The following CYP3A4 variants were observed in gnomAD, a reference collection of about 807,000 sequenced individuals.
CYP3A4 encodes cytochrome P450 family 3 subfamily A member 4.
Under a neutral mutation model 54.9 loss-of-function variants are expected in CYP3A4, and 41 were observed. That is an observed-to-expected ratio of 0.75 (90% CI 0.58 to 0.97). The LOEUF (loss-of-function observed/expected upper bound fraction) is 0.97, where lower values mean the gene tolerates loss of function less well. CYP3A4 is among the 50% of genes least tolerant of loss of function. CYP3A4 has a pLI of 0.00. For synonymous variants in CYP3A4, 179 were observed against 205.2 expected (o/e 0.87, Z 1.09); for missense variants, 510 against 597.3 (o/e 0.85, Z 1.52).
intron 9 of CYP3A4, among the ~76,000 whole-genome samples, chr7:99,765,090 G>C (rs1563040574): frequency 6.6e-6 from 1 of 152,180 alleles, no homozygotes; most frequent in Admixed American, 6.5e-5. Flanking sequence ...GCAGTTATAA[G>C]TAAATTCAAC....
chr7:99,763,952 G>C lies in CYP3A4; in HGVS notation c.929C>G (p.Thr310Arg). 2 of 1,613,974 alleles carry C rather than the reference G, an allele frequency of 1.2e-6. No homozygotes were observed. Among genetic ancestry groups the C allele is most frequent in the Non-Finnish European group, 1.7e-6 (2 of 1,179,954 alleles). ...IIFIFAGYET[T>R]SSVLSFIMYE... The stretch of plus-strand genomic sequence containing the variant: ...CATAATGAAGGAGAGAACACTGCTC[G>C]TGGTTTCATAGCCAGCAAAAATAAA... Residue 310 changes from threonine to arginine, a missense_variant, in exon 10 of 13, where the codon ACG (threonine) becomes AGG (arginine). This residue lies in a region of CYP3A4 where 238 missense variants were observed against 322.5 expected (regional missense o/e 0.74). Transcript: ENST00000651514.
At chr7:99,772,991 G>A (rs1299929331) in intron 3 of CYP3A4, among the ~76,000 whole-genome samples, 1 of 151,988 alleles carries the variant, frequency 6.6e-6, no homozygotes, top group African/African-American at 2.4e-5. Context: ...AAGCTGGGTG[G>A]TGCATACGTG....
chr7:99,783,815 G>C (rs1815989202), intron 1 of CYP3A4, among the ~76,000 whole-genome samples, 196 bp downstream of exon 1: 1 of 152,070 alleles, frequency 6.6e-6, no homozygotes, highest in Non-Finnish European at 1.5e-5. Flanking sequence ...CACCATGTTA[G>C]CCAGGCTGGT....
intron 1 of CYP3A4, among the ~76,000 whole-genome samples, chr7:99,783,556 C>T (rs1815980097): frequency 6.6e-6 from 1 of 151,694 alleles, no homozygotes; most frequent in African/African-American, 2.4e-5. Context: ...TCTACAATAA[C>T]CTCTATATGT....
chr7:99,777,992 AC>A (rs777964975), intron 3 of CYP3A4, 35 bp downstream of exon 3: 4 of 1,566,122 alleles, frequency 2.6e-6, no homozygotes, highest in Non-Finnish European at 3.5e-6. Flanking sequence ...CATCATAGAA[AC>A]AAGTCTATCC....
At position 99,756,994 on chromosome 7, in the gene CYP3A4, T is replaced by C. The variant is rs1243630393; in HGVS notation, c.*1139A>G. On this transcript the variant is annotated 3_prime_UTR_variant, in exon 13 of 13. Coordinates refer to ENST00000651514, the MANE Select transcript of CYP3A4 (RefSeq NM_017460.6). The stretch of plus-strand genomic sequence containing the variant: ...GCTCAATCAATTGACCAATCGACTG[T>C]TTTTTATTAAGTGTTCATTGCATCG... The C allele has an allele frequency of 1.3e-5, 2 of 152,142 alleles. No homozygotes were observed. The highest frequency in any genetic ancestry group is 2.9e-5 in the Non-Finnish European group (2 of 68,012). The allele number at this position is 152,142 out of a possible 1,614,324, so 9.4% of individuals were successfully genotyped here. A position where few individuals can be genotyped will look rare whatever the true frequency, so the allele number is the denominator to read the frequency against.
intron 3 of CYP3A4, among the ~76,000 whole-genome samples, chr7:99,775,440 TA>T: frequency 6.6e-6 from 1 of 152,236 alleles, no homozygotes; most frequent in South Asian, 2.1e-4. Context: ...GACTTCAAAT[TA>T]TACTAAAAGG....
At position 99,780,036 on chromosome 7, in the gene CYP3A4, G is replaced by A; in HGVS notation, c.121C>T (p.Pro41Ser). The change falls in exon 2 of 13, where the codon CCC (proline) becomes TCC (serine). Residue 41 changes from proline to serine, a missense_variant. This residue lies in a region of CYP3A4 where 272 missense variants were observed against 274.9 expected (regional missense o/e 0.99). Coordinates refer to ENST00000651514, the MANE Select transcript of CYP3A4 (RefSeq NM_017460.6). The stretch of plus-strand genomic sequence containing the variant: ...TTTCCCAAAAAAGGCAGAGGTGTGG[G>A]CCCTGGAATTCCAAGCTTCTTAAAA... ...GLFKKLGIPG[P>S]TPLPFLGNIL... The A allele has an allele frequency of 6.2e-7, 1 of 1,613,678 alleles. No individual in the cohort carries two copies. Among genetic ancestry groups the A allele is most frequent in the Admixed American group, 1.7e-5 (1 of 59,978 alleles).
rs776413992 is a variant in CYP3A4 at position 99,762,128 on chromosome 7, G to A, written c.1166C>T (p.Pro389Leu). 3 of 1,613,920 alleles carry A rather than the reference G, an allele frequency of 1.9e-6. No homozygotes were observed. In the Admixed American group the frequency reaches 5.0e-5, roughly 27 times the overall value. Residue 389 changes from proline to leucine, a missense_variant, in exon 11 of 13, where the codon CCC (proline) becomes CTC (leucine). By Grantham distance (98) the Pro-to-Leu change is moderately conservative. This residue lies in a region of CYP3A4 where 238 missense variants were observed against 322.5 expected (regional missense o/e 0.74). Transcript: ENST00000651514. Reference protein sequence around the residue: ...KDVEINGMFIPKGVVVMIPSY... With the variant: ...KDVEINGMFILKGVVVMIPSY... ...TGGAATCATCACCACCACCCCTTTG[G>A]GAATGAACATCCCATTGATCTCAAC... is the stretch of plus-strand genomic sequence containing the variant.
At chr7:99,774,112 G>A (rs186005013) in intron 3 of CYP3A4, among the ~76,000 whole-genome samples, 10 of 152,166 alleles carry the variant, frequency 6.6e-5, no homozygotes, top group Non-Finnish European at 4.4e-5. Flanking sequence ...ATAAATTCCT[G>A]GACACATGCC....
intron 6 of CYP3A4, 61 bp downstream of exon 6, chr7:99,769,707 A>G (rs1815576578): frequency 6.2e-7 from 1 of 1,602,028 alleles, no homozygotes; most frequent in South Asian, 1.1e-5. Context: ...TATCAGCTCC[A>G]TGGCAGGCAG....
At chr7:99,759,884 G>A (rs1815272932) in intron 12 of CYP3A4, among the ~76,000 whole-genome samples, 1 of 151,896 alleles carries the variant, frequency 6.6e-6, no homozygotes, top group Non-Finnish European at 1.5e-5. Flanking sequence ...ACCCAGGCTG[G>A]AGTGCAGTGG....
chr7:99,762,214 C>G lies in CYP3A4; in HGVS notation c.1080G>C (p.Val360=), dbSNP rs1403693803. The part of the protein sequence containing the change: ...VLQMEYLDMV[V]NETLRLFPIA... ...TTGGGAATAATCTGAGCGTTTCATT[C>G]ACCACCATGTCAAGATACTCCATCT... Residue 360 remains valine, a synonymous_variant, in exon 11 of 13, where the codon GTG becomes GTC. Coordinates refer to ENST00000651514, the MANE Select transcript of CYP3A4 (RefSeq NM_017460.6). 12 of 1,614,086 alleles carry G rather than the reference C, an allele frequency of 7.4e-6. No homozygotes were observed. In the Middle Eastern group the frequency reaches 9.9e-4, roughly 133 times the overall value.
At chr7:99,783,606 C>CT (rs11432957) in intron 1 of CYP3A4, among the ~76,000 whole-genome samples, 70,387 of 103,960 alleles carry the variant, frequency 0.68, 27,792 homozygotes, top group East Asian at 0.94. Context: ...CCTTGAACAT[C>CT]TTTTTTTTTT....
At position 99,784,112 on chromosome 7, in the gene CYP3A4, G is replaced by C. The variant is rs1816002558; in HGVS notation, c.-31C>G. ...CTTTCCTTACTTATCTCTCTCCTCT[G>C]AGTCTTCCTTTCAGCTCTGTGTTGC... On this transcript the variant is annotated 5_prime_UTR_variant, in exon 1 of 13. Coordinates refer to ENST00000651514, the MANE Select transcript of CYP3A4 (RefSeq NM_017460.6). 6.3e-7 allele frequency: 1 copy of C among 1,595,460 alleles called. No homozygotes were observed.
intron 2 of CYP3A4, among the ~76,000 whole-genome samples, chr7:99,779,132 G>A (rs2151566189): frequency 6.6e-6 from 1 of 152,148 alleles, no homozygotes; most frequent in East Asian, 1.9e-4. Flanking sequence ...CGGTCCACGT[G>A]GCACATATTA....
intron 11 of CYP3A4, 90 bp from the exon 12 acceptor site, chr7:99,761,071 T>A: frequency 7.1e-7 from 1 of 1,416,060 alleles, no homozygotes; most frequent in Non-Finnish European, 9.7e-7. Flanking sequence ...GGGCCACCCC[T>A]CAACTAGTAG....
chr7:99,770,230 A>G lies in CYP3A4; in HGVS notation c.324T>C (p.Phe108=). 2 of 1,611,044 alleles carry G rather than the reference A, an allele frequency of 1.2e-6. No individual in the cohort carries two copies. Among genetic ancestry groups the G allele is most frequent in the Non-Finnish European group, 1.7e-6 (2 of 1,177,336 alleles). Residue 108 remains phenylalanine (F), a synonymous_variant, in exon 5 of 13, where the codon TTT becomes TTC. Transcript: ENST00000651514. ...CACTTTTCATAAATCCCACTGGACC[A>G]AAAGGCTAGAGTTCAAAGCAGAAAC... The part of the protein sequence containing the change: ...CYSVFTNRRP[F]GPVGFMKSAI...
rs1407019774 is a variant in CYP3A4, at chr7:99,778,049, T to C, written c.197A>G (p.Lys66Arg). The C allele has an allele frequency of 9.3e-6, 15 of 1,612,936 alleles. No homozygotes were observed. The highest frequency in any genetic ancestry group is 1.3e-5 in the African/African-American group (1 of 74,882). The change falls in exon 3 of 13, where the codon AAA becomes AGA. Residue 66 changes from lysine (K) to arginine (R), a missense_variant. Physicochemically the swap from Lys to Arg is conservative, Grantham distance 26. Coordinates refer to ENST00000651514, the MANE Select transcript of CYP3A4 (RefSeq NM_017460.6). The stretch of plus-strand genomic sequence containing the variant: ...TCACCCCCACACTTTTCCATACTTT[T>C]TATGACATTCCATGTCAAACATACA... The part of the protein sequence containing the change: ...GFCMFDMECH[K>R]KYGKVWGFYD...
Sources: gnomAD v4.1 joint callset for allele counts (sites outside exome capture counted in the v4.1 genomes callset) on GRCh38, gnomAD v4.1.1 for gene constraint, gnomAD v4.1.1 regional missense constraint, MANE v1.5 for transcripts, NCBI Gene and HGNC (gene_info 2026-07-23, HGNC 2026-07-21) for gene names.